Variants in TLL1 observed in about 807,000 individuals in gnomAD.
TLL1 encodes the protein tolloid like 1.
A neutral mutation model predicts 128.2 loss-of-function variants in TLL1; 49 were observed. The observed-to-expected ratio is 0.38, with a 90% CI of 0.30 to 0.48. The LOEUF (loss-of-function observed/expected upper bound fraction) is 0.48, where lower values mean the gene tolerates loss of function less well. TLL1 is among the 20% of genes least tolerant of loss of function. TLL1 has a pLI of 0.96. For missense variants in TLL1, 1,123 were observed against 1,242.0 expected (o/e 0.90, Z 1.44); for synonymous variants, 454 against 418.8 (o/e 1.08, Z -1.03).
chr4:165,943,900 T>G (rs376784437), intron 1 of TLL1, among the ~76,000 whole-genome samples: 26 of 152,164 alleles, frequency 1.7e-4, no homozygotes, highest in East Asian at 5.8e-4. Flanking sequence ...CCTATTCCGC[T>G]TTCCTTTTAG....
intron 16 of TLL1, 117 bp downstream of exon 16, chr4:166,065,980 C>T (rs1035827591): frequency 9.0e-5 from 35 of 389,726 alleles, no homozygotes; most frequent in Non-Finnish European, 1.3e-4. Context: ...GATAAGTAGG[C>T]CTTACAAACA....
At chr4:165,894,474 C>T (rs1731576159) in intron 1 of TLL1, among the ~76,000 whole-genome samples, 1 of 152,012 alleles carries the variant, frequency 6.6e-6, no homozygotes, top group African/African-American at 2.4e-5. Context: ...CTCTACCCAG[C>T]AAAAATATCT....
chr4:166,021,834 CT>C (rs1256184753), intron 8 of TLL1, among the ~76,000 whole-genome samples: 1 of 152,048 alleles, frequency 6.6e-6, no homozygotes, highest in Non-Finnish European at 1.5e-5. Context: ...GGCCTCTTGC[CT>C]TTATTTTTAT....
chr4:165,966,127 C>A (rs967685317), intron 1 of TLL1, among the ~76,000 whole-genome samples: 1 of 146,984 alleles, frequency 6.8e-6, no homozygotes, highest in African/African-American at 2.5e-5. Context: ...GCAGTGAGCT[C>A]AGATTGTGCC....
At chr4:166,076,864 C>T (rs968264488) in intron 17 of TLL1, among the ~76,000 whole-genome samples, 5 of 152,132 alleles carry the variant, frequency 3.3e-5, no homozygotes, top group African/African-American at 7.2e-5. Context: ...GGAAACCTAG[C>T]ACAATTAAGG....
intron 3 of TLL1, 110 bp from the exon 4 acceptor site, chr4:165,994,270 AT>A (rs1388250141): frequency 1.1e-5 from 15 of 1,319,690 alleles, no homozygotes; most frequent in Non-Finnish European, 1.4e-5. Context: ...GACTTCTGGC[AT>A]TTATACAAAA....
At chr4:165,912,443 G>A (rs564509968) in intron 1 of TLL1, among the ~76,000 whole-genome samples, 1 of 152,256 alleles carries the variant, frequency 6.6e-6, no homozygotes, top group African/African-American at 2.4e-5. Context: ...CTCAGTGTCC[G>A]TGACCCATGT....
rs534237801 is a variant in TLL1 at position 166,028,834 on chromosome 4, T to A, written c.1158+3403T>A. 2.6e-5 allele frequency among the ~76,000 whole-genome samples: 4 copies of A among 152,148 alleles called. No individual in the cohort carries two copies. The South Asian group carries it at 6.2e-4, about 24-fold the overall frequency. On this transcript the variant is annotated intron_variant, in intron 9 of 20. Transcript: ENST00000061240. The stretch of plus-strand genomic sequence containing the variant: ...TTTGCCAGGTATATCTTTGTCCTGT[T>A]CTAGACATCTAGACATTCAATAATT...
chr4:165,983,908 A>G (rs755397222), intron 1 of TLL1, among the ~76,000 whole-genome samples: 1 of 151,904 alleles, frequency 6.6e-6, no homozygotes, highest in African/African-American at 2.4e-5. Context: ...CGAGGAAAGG[A>G]TGAGTGAACA....
intron 9 of TLL1, chr4:166,030,783 T>C: frequency 1.8e-6 from 2 of 1,087,118 alleles, no homozygotes; most frequent in Non-Finnish European, 2.2e-6. Context: ...TGACTTCTAT[T>C]ATGGCTTATT....
chr4:166,044,835 G>GT (rs1006317976), intron 12 of TLL1, among the ~76,000 whole-genome samples: 4 of 152,098 alleles, frequency 2.6e-5, no homozygotes, highest in African/African-American at 2.4e-5. Context: ...ATGTAATTCA[G>GT]TTTTTTTGTG....
intron 1 of TLL1, among the ~76,000 whole-genome samples, chr4:165,916,654 T>G (rs1732788664): frequency 6.6e-6 from 1 of 152,160 alleles, no homozygotes; most frequent in Non-Finnish European, 1.5e-5. Flanking sequence ...TTTCTTAAAA[T>G]ATTATATGGG....
chr4:165,957,190 G>C (rs1389171761), intron 1 of TLL1, among the ~76,000 whole-genome samples: 1 of 152,098 alleles, frequency 6.6e-6, no homozygotes, highest in Non-Finnish European at 1.5e-5. Context: ...ATTAAAAAGA[G>C]CAGGGGTTGT....
At chr4:165,991,773 G>A (rs1295711904) in intron 2 of TLL1, among the ~76,000 whole-genome samples, 3 of 152,002 alleles carry the variant, frequency 2.0e-5, no homozygotes, top group South Asian at 2.1e-4. Flanking sequence ...TCAAGTTGTC[G>A]TCGTGGAATT....
At chr4:166,083,834 T>A (rs907894114) in intron 18 of TLL1, among the ~76,000 whole-genome samples, 1 of 152,224 alleles carries the variant, frequency 6.6e-6, no homozygotes, top group Non-Finnish European at 1.5e-5. Context: ...TTGTGAATAG[T>A]GCTGCAGTGA....
chr4:166,078,913 T>G (rs901203357), intron 18 of TLL1, among the ~76,000 whole-genome samples: 1 of 152,120 alleles, frequency 6.6e-6, no homozygotes, highest in Non-Finnish European at 1.5e-5. Flanking sequence ...AAATTTCTTG[T>G]TTTGACTCTT....
chr4:166,059,645 G>A (rs550237553), intron 14 of TLL1, among the ~76,000 whole-genome samples: 8 of 151,106 alleles, frequency 5.3e-5, no homozygotes, highest in African/African-American at 1.9e-4. Context: ...TCTCAATTCC[G>A]ACAAAAAAAA....
At position 166,065,801 on chromosome 4, in the gene TLL1, G is replaced by A. The variant is rs549848935; in HGVS notation, c.2126G>A (p.Arg709Lys). 3.3e-5 allele frequency: 54 copies of A among 1,612,950 alleles called. No individual in the cohort carries two copies. The African/African-American group carries it at 6.5e-4, about 20-fold the overall frequency. The change falls in exon 16 of 21, where the codon AGA becomes AAA. Residue 709 changes from arginine to lysine, a missense_variant. Coordinates refer to ENST00000061240, the MANE Select transcript of TLL1 (RefSeq NM_012464.5). ...EVITSQFNNMRIEFKSDNTVS... is the reference protein window; with the variant it reads ...EVITSQFNNMKIEFKSDNTVS... ...ATCACATCCCAGTTCAACAATATGA[G>A]AATTGAATTCAAATCTGACAATACT...
rs951228720 is a variant in TLL1, at chr4:165,873,928, G to A, written c.24G>A (p.Pro8=). 1.2e-6 allele frequency: 2 copies of A among 1,614,102 alleles called. No individual in the cohort carries two copies. The highest frequency in any genetic ancestry group is 8.5e-7 in the Non-Finnish European group (1 of 1,180,022). The stretch of plus-strand genomic sequence containing the variant: ...GGATGGGGTTGGGAACGCTTTCCCC[G>A]AGGATGCTCGTGTGGCTGGTGGCCT... The part of the protein sequence containing the change: MGLGTLS[P]RMLVWLVASG... Residue 8 remains proline (P), a synonymous_variant, in exon 1 of 21, where the codon CCG becomes CCA. Coordinates refer to ENST00000061240, the MANE Select transcript of TLL1 (RefSeq NM_012464.5).
Sources: allele counts gnomAD v4.1 joint callset (sites outside exome capture counted in the v4.1 genomes callset), GRCh38; gene constraint gnomAD v4.1.1; transcripts MANE v1.5; gene names NCBI Gene and HGNC (gene_info 2026-07-23, HGNC 2026-07-21).